The following DMXL1 variants were observed in gnomAD, a reference collection of about 807,000 sequenced individuals.
DMXL1 encodes Dmx like 1.
Under a neutral mutation model 319.2 loss-of-function variants are expected in DMXL1, and 99 were observed. The observed-to-expected ratio is 0.31, with a 90% CI of 0.26 to 0.37. The LOEUF (loss-of-function observed/expected upper bound fraction) is 0.37, where lower values mean the gene tolerates loss of function less well. Among genes scored for constraint, DMXL1 ranks in the 10% least tolerant of loss-of-function variants. The pLI, the probability that DMXL1 is intolerant of heterozygous loss-of-function variation, is 1.00. For synonymous variants in DMXL1, 1,385 were observed against 1,235.2 expected (o/e 1.12, Z -2.54); for missense variants, 3,745 against 3,595.6 (o/e 1.04, Z -1.06).
chr5:119,141,610 A>G (rs568375889), intron 13 of DMXL1, among the ~76,000 whole-genome samples: 7 of 152,284 alleles, frequency 4.6e-5, no homozygotes, highest in East Asian at 3.9e-4. Context: ...AGAAGACACA[A>G]ACACATGGGA....
In DMXL1 at chr5:119,134,424, A is replaced by C. The variant is rs144052354; in HGVS notation, c.2376+35A>C. 118 of 1,521,248 alleles carry C rather than the reference A, an allele frequency of 7.8e-5. No homozygotes were observed. The African/African-American group carries it at 1.4e-3, about 17-fold the overall frequency. 94.2% of individuals were successfully genotyped at this position (1,521,248 alleles called of 1,614,324 possible). On this transcript the variant is annotated intron_variant, in intron 13 of 43. Transcript: ENST00000539542. ...GTCTTTTAAAACAGCTTAAGTATAT[A>C]ATATTATGTTTTCAGATAGTTTATA...
chr5:119,168,114 A>G (rs1287006624), intron 23 of DMXL1, among the ~76,000 whole-genome samples: 1 of 152,248 alleles, frequency 6.6e-6, no homozygotes, highest in Non-Finnish European at 1.5e-5. Flanking sequence ...CAACACTTGA[A>G]TATAAACATT....
Position 119,149,682 on chromosome 5 carries a change from C to G in DMXL1, c.3855C>G (p.Ser1285=). ...CTCCAAAGAAAACTCTGACTCGATC[C>G]ATGACCAGTCTTGCACAGAAAATCT... ...LHPPKKTLTR[S]MTSLAQKICG... The change falls in exon 18 of 44, where the codon TCC becomes TCG. Residue 1285 remains serine, a synonymous_variant. Coordinates refer to ENST00000539542, the MANE Select transcript of DMXL1 (RefSeq NM_001290321.3). 6.2e-7 allele frequency: 1 copy of G among 1,613,996 alleles called. No individual in the cohort carries two copies. The highest frequency in any genetic ancestry group is 8.5e-7 in the Non-Finnish European group (1 of 1,179,934).
intron 7 of DMXL1, among the ~76,000 whole-genome samples, chr5:119,118,269 T>C (rs757458640): frequency 6.6e-5 from 10 of 152,230 alleles, no homozygotes; most frequent in Non-Finnish European, 1.0e-4. Flanking sequence ...CAGTAGTTAC[T>C]GTAGCTTTTT....
chr5:119,203,480 CT>C, intron 33 of DMXL1, 44 bp downstream of exon 33: 1 of 1,181,228 alleles, frequency 8.5e-7, no homozygotes, highest in Non-Finnish European at 1.2e-6. Flanking sequence ...TTATTGAAGT[CT>C]TTTATATTAT....
At chr5:119,123,040 A>C (rs1762561842) in intron 9 of DMXL1, among the ~76,000 whole-genome samples, 1 of 152,156 alleles carries the variant, frequency 6.6e-6, no homozygotes, top group African/African-American at 2.4e-5. Context: ...ACAAGACTCC[A>C]TCTGCAGTCC....
At chr5:119,188,839 T>C (rs1217831886) in intron 28 of DMXL1, among the ~76,000 whole-genome samples, 3 of 152,234 alleles carry the variant, frequency 2.0e-5, no homozygotes, top group African/African-American at 7.2e-5. Context: ...GCTGAGACGC[T>C]TCAAACAATA....
At position 119,151,912 on chromosome 5, in the gene DMXL1, C is replaced by T. The variant is rs1769887651; in HGVS notation, c.4595-17C>T. 1.3e-6 allele frequency: 2 copies of T among 1,569,198 alleles called. No homozygotes were observed. Among genetic ancestry groups the T allele is most frequent in the Non-Finnish European group, 1.8e-6 (2 of 1,141,282 alleles). On this transcript the variant is annotated splice_polypyrimidine_tract_variant and intron_variant, in intron 18 of 43. Transcript: ENST00000539542. Reference sequence around the variant, plus strand: ...ATTTTTTTTTTAATACATTGCTTCCCCTTTCTCCCATTGCAGGTGGAGAAA... The same window carrying T: ...ATTTTTTTTTTAATACATTGCTTCCTCTTTCTCCCATTGCAGGTGGAGAAA...
chr5:119,136,856 G>A (rs141902373), intron 13 of DMXL1, among the ~76,000 whole-genome samples: 300 of 152,372 alleles, frequency 2.0e-3, no homozygotes, highest in Middle Eastern at 6.8e-3. Context: ...GAGGTCTGCG[G>A]CAGGGGCGAA....
At chr5:119,122,553 G>C (rs1456899882) in intron 9 of DMXL1, among the ~76,000 whole-genome samples, 1 of 151,266 alleles carries the variant, frequency 6.6e-6, no homozygotes, top group Non-Finnish European at 1.5e-5. Flanking sequence ...AGATGGGGCG[G>C]CTGCCGGGCG....
Position 119,146,825 on chromosome 5 carries a change from T to TA in DMXL1, c.2570-10dup, listed in dbSNP as rs1768654266. 1 of 1,607,338 alleles carries TA rather than the reference T, an allele frequency of 6.2e-7. No individual in the cohort carries two copies. On this transcript the variant is annotated splice_polypyrimidine_tract_variant and intron_variant, in intron 15 of 43. Transcript: ENST00000539542. Reference sequence around the variant, plus strand: ...ACATAGTAACAGTGAAAAATATCATTAATACCAACAGGCAGCTCACCTAAT... The same window carrying TA: ...ACATAGTAACAGTGAAAAATATCATTAAATACCAACAGGCAGCTCACCTAAT...
At chr5:119,244,320 T>C (rs1243900346) in intron 42 of DMXL1, 39 bp from the exon 43 acceptor site, 7 of 1,505,640 alleles carry the variant, frequency 4.6e-6, no homozygotes, top group Non-Finnish European at 6.3e-6. Flanking sequence ...ATTTCTTTTA[T>C]TGTTAAGTGT....
intron 28 of DMXL1, among the ~76,000 whole-genome samples, chr5:119,183,137 G>T (rs1480861854): frequency 1.3e-5 from 2 of 152,098 alleles, no homozygotes; most frequent in East Asian, 3.8e-4. Context: ...GATTGCTAAT[G>T]ATATTCTAGA....
At chr5:119,085,483 A>G (rs1753164476) in intron 1 of DMXL1, among the ~76,000 whole-genome samples, 1 of 152,194 alleles carries the variant, frequency 6.6e-6, no homozygotes, top group Non-Finnish European at 1.5e-5. Context: ...GGTGTATGCT[A>G]TTCTATACAC....
At chr5:119,098,885 G>A (rs1756589377) in intron 2 of DMXL1, among the ~76,000 whole-genome samples, 1 of 152,120 alleles carries the variant, frequency 6.6e-6, no homozygotes. Context: ...AATCAAAATG[G>A]TCATATTAAG....
At chr5:119,189,604 T>C (rs1054104262) in intron 28 of DMXL1, 104 bp from the exon 29 acceptor site, 1 of 996,454 alleles carries the variant, frequency 1.0e-6, no homozygotes, top group South Asian at 1.6e-5. Flanking sequence ...TCTTATTTTT[T>C]TGTGTGTGCT....
intron 2 of DMXL1, among the ~76,000 whole-genome samples, chr5:119,099,690 T>TGACA (rs1315634872): frequency 2.0e-5 from 3 of 152,188 alleles, no homozygotes; most frequent in Non-Finnish European, 4.4e-5. Flanking sequence ...ATAGACTATA[T>TGACA]GACAGTCCAG....
intron 3 of DMXL1, among the ~76,000 whole-genome samples, chr5:119,103,096 TA>T (rs201265021): frequency 9.4e-5 from 14 of 149,466 alleles, no homozygotes; most frequent in African/African-American, 9.9e-5. Flanking sequence ...TTTTTTTTTT[TA>T]AAAAAAAAGA....
chr5:119,103,588 G>A (rs1398299343), intron 3 of DMXL1, among the ~76,000 whole-genome samples: 4 of 152,018 alleles, frequency 2.6e-5, no homozygotes, highest in Non-Finnish European at 5.9e-5. Flanking sequence ...TGAGTTAATT[G>A]ATATTTATCT....
Sources: gnomAD v4.1 joint callset for allele counts (sites outside exome capture counted in the v4.1 genomes callset) on GRCh38, gnomAD v4.1.1 for gene constraint, MANE v1.5 for transcripts, NCBI Gene and HGNC (gene_info 2026-07-23, HGNC 2026-07-21) for gene names.